The following TIMD4 variants were observed in gnomAD, a reference collection of about 807,000 sequenced individuals.
The protein encoded by TIMD4 is T cell immunoglobulin and mucin domain containing 4, also known as T-cell immunoglobulin and mucin domain-containing protein 4.
A neutral mutation model predicts 41.2 loss-of-function variants in TIMD4; 31 were observed. The ratio of observed to expected loss-of-function variants is 0.75; its 90% CI spans 0.57 to 1.01. The LOEUF is 1.01. Ranked by LOEUF, TIMD4 falls within the 50% of genes least tolerant of loss-of-function variation. The pLI, the probability that TIMD4 is intolerant of heterozygous loss-of-function variation, is 0.00. For missense variants in TIMD4, 479 were observed against 472.5 expected, an observed-to-expected ratio of 1.01 and a Z score of -0.13; for synonymous variants, 204 against 177.1, an observed-to-expected ratio of 1.15 and a Z score of -1.21.
At chr5:156,944,879 C>T (rs1290288183) in intron 5 of TIMD4, among the ~76,000 whole-genome samples, 9 of 152,112 alleles carry the variant, frequency 5.9e-5, no homozygotes, top group Non-Finnish European at 1.0e-4. Context: ...AGTCACTCTA[C>T]ATCTCTGAGC....
rs533355879 is a variant in TIMD4, at chr5:156,922,288, C to A, written c.895-72G>T. ...CACCCTCACAAGATGACATCCCAGC[C>A]CAATAGCACCTTACAACCACCAGCA... On this transcript the variant is annotated intron_variant, in intron 6 of 8. Transcript: ENST00000274532. 9.6e-5 allele frequency: 107 copies of A among 1,111,684 alleles called. No homozygotes were observed. In the African/African-American group the frequency reaches 1.5e-3, roughly 16 times the overall value. The allele number at this position is 1,111,684 out of a possible 1,614,324, so 68.9% of individuals were successfully genotyped here.
intron 5 of TIMD4, among the ~76,000 whole-genome samples, chr5:156,940,160 G>C (rs1759615113): frequency 6.6e-6 from 1 of 152,254 alleles, no homozygotes; most frequent in Non-Finnish European, 1.5e-5. Context: ...GTTTCGCCCT[G>C]TTGGCCGGGC....
chr5:156,952,580 T>A (rs1290747713), intron 2 of TIMD4, among the ~76,000 whole-genome samples: 1 of 152,228 alleles, frequency 6.6e-6, no homozygotes, highest in Non-Finnish European at 1.5e-5. Flanking sequence ...TTCATGAGGC[T>A]GACTTCTACT....
chr5:156,946,684 A>G (rs1470575176), intron 5 of TIMD4, among the ~76,000 whole-genome samples: 2 of 149,486 alleles, frequency 1.3e-5, no homozygotes, highest in African/African-American at 4.9e-5. Flanking sequence ...ACGGGGTTTC[A>G]CCATGTTAGA....
chr5:156,924,192 CA>C, intron 6 of TIMD4: 27 of 447,906 alleles, frequency 6.0e-5, no homozygotes, highest in South Asian at 1.4e-4. Context: ...TATGCAGCAC[CA>C]AAAAAGGACT....
intron 2 of TIMD4, among the ~76,000 whole-genome samples, chr5:156,953,653 C>CAAAAAAAAA (rs35165963): frequency 1.7e-5 from 1 of 58,492 alleles, no homozygotes; most frequent in African/African-American, 6.3e-5. Flanking sequence ...AAACTCTGTC[C>CAAAAAAAAA]AAAAAAAAAA....
At chr5:156,949,824 A>C in intron 3 of TIMD4, 93 bp from the exon 4 acceptor site, 1 of 777,230 alleles carries the variant, frequency 1.3e-6, no homozygotes. Flanking sequence ...TTTTTTAATT[A>C]ATTAATTTTT....
At chr5:156,958,335 AAAGGAAAGG>A (rs1227791637) in intron 1 of TIMD4, among the ~76,000 whole-genome samples, 4 of 83,558 alleles carry the variant, frequency 4.8e-5, no homozygotes, top group African/African-American at 1.9e-4. Flanking sequence ...AAAGGAAAGG[AAAGGAAAGG>A]AAAGGAAAGG....
chr5:156,930,595 A>G (rs891768167), intron 5 of TIMD4, among the ~76,000 whole-genome samples: 1 of 152,234 alleles, frequency 6.6e-6, no homozygotes, highest in Non-Finnish European at 1.5e-5. Context: ...CCATGAGTGT[A>G]GCAGGCAATC....
At chr5:156,928,864 C>T (rs1272145482) in intron 5 of TIMD4, among the ~76,000 whole-genome samples, 4 of 152,172 alleles carry the variant, frequency 2.6e-5, no homozygotes, top group African/African-American at 9.7e-5. Context: ...TGTCAAAATC[C>T]TGTTGTATTA....
In TIMD4 at chr5:156,954,485, G is replaced by T; in HGVS notation, c.330C>A (p.Tyr110Ter). The T allele has an allele frequency of 6.2e-7, 1 of 1,614,216 alleles. No homozygotes were observed. Among genetic ancestry groups the T allele is most frequent in the Non-Finnish European group, 8.5e-7 (1 of 1,180,046 alleles). Reference sequence around the variant, plus strand: ...AGCCAGGCACTTCTATGCGGCAGCAGTACACACCGCTGTCACTTTCACTGG... The same window carrying T: ...AGCCAGGCACTTCTATGCGGCAGCATTACACACCGCTGTCACTTTCACTGG... The part of the protein sequence containing the change: ...LNPSESDSGV[Y>*]CCRIEVPGWF... The change falls in exon 2 of 9, where the codon TAC becomes TAA. Residue 110 changes from tyrosine (Y) to a stop codon, truncating the protein, a stop_gained. Transcript: ENST00000274532. LOFTEE classifies it high-confidence loss of function.
chr5:156,936,225 C>T (rs368178081), intron 5 of TIMD4, among the ~76,000 whole-genome samples: 63 of 152,256 alleles, frequency 4.1e-4, no homozygotes, highest in African/African-American at 1.4e-3. Context: ...AGCTGCAGAA[C>T]GAGACCCCAT....
intron 2 of TIMD4, 106 bp from the exon 3 acceptor site, chr5:156,951,896 C>A: frequency 6.8e-7 from 1 of 1,480,052 alleles, no homozygotes; most frequent in South Asian, 1.3e-5. Flanking sequence ...TCACCTGGTC[C>A]ACTGGCCTGG....
chr5:156,961,263 C>T (rs901837260), intron 1 of TIMD4, among the ~76,000 whole-genome samples: 2 of 152,166 alleles, frequency 1.3e-5, no homozygotes, highest in Non-Finnish European at 2.9e-5. Context: ...GAAAGAGGAA[C>T]TCTCGTACGC....
intron 2 of TIMD4, among the ~76,000 whole-genome samples, chr5:156,952,973 ACCT>A (rs200556227): frequency 0.022 from 3,352 of 152,276 alleles, 58 homozygotes; most frequent in South Asian, 0.064. Context: ...AACACCACTC[ACCT>A]CCTACATATC....
At position 156,954,469 on chromosome 5, in the gene TIMD4, C is replaced by T; in HGVS notation, c.346G>A (p.Val116Met). 1 of 1,614,230 alleles carries T rather than the reference C, an allele frequency of 6.2e-7. No individual in the cohort carries two copies. The highest frequency in any genetic ancestry group is 8.5e-7 in the Non-Finnish European group (1 of 1,180,046). ...DSGVYCCRIEVPGWFNDVKIN... is the reference protein window; with the variant it reads ...DSGVYCCRIEMPGWFNDVKIN... Reference sequence around the variant, plus strand: ...TTTACATCGTTGAACCAGCCAGGCACTTCTATGCGGCAGCAGTACACACCG... The same window carrying T: ...TTTACATCGTTGAACCAGCCAGGCATTTCTATGCGGCAGCAGTACACACCG... Residue 116 changes from valine (V) to methionine (M), a missense_variant, in exon 2 of 9, where the codon GTG (valine) becomes ATG (methionine). Physicochemically the swap from Val to Met is conservative, Grantham distance 21. Coordinates refer to ENST00000274532, the MANE Select transcript of TIMD4 (RefSeq NM_138379.3).
chr5:156,931,780 C>T (rs977005979), intron 5 of TIMD4, among the ~76,000 whole-genome samples: 42 of 152,290 alleles, frequency 2.8e-4, no homozygotes, highest in African/African-American at 9.6e-4. Context: ...CTCACTGTGG[C>T]ATCCTGGGAC....
At chr5:156,959,454 A>T (rs1760039083) in intron 1 of TIMD4, among the ~76,000 whole-genome samples, 1 of 152,198 alleles carries the variant, frequency 6.6e-6, no homozygotes, top group East Asian at 1.9e-4. Context: ...TTTAGAAATA[A>T]GACAAAAAAA....
intron 1 of TIMD4, 120 bp downstream of exon 1, chr5:156,963,021 G>T: frequency 1.1e-6 from 1 of 943,464 alleles, no homozygotes. Context: ...AGGGAGAGGG[G>T]AGGGATGCAG....
Sources: gnomAD v4.1 joint callset for allele counts (sites outside exome capture counted in the v4.1 genomes callset) on GRCh38, gnomAD v4.1.1 for gene constraint, MANE v1.5 for transcripts, NCBI Gene and HGNC (gene_info 2026-07-23, HGNC 2026-07-21) for gene names.